The following SLC24A3 variants were observed in gnomAD, a reference collection of about 807,000 sequenced individuals.
The protein encoded by SLC24A3 is solute carrier family 24 member 3.
SLC24A3 carries 28 observed loss-of-function variants against 75.8 expected under a neutral mutation model. The ratio of observed to expected loss-of-function variants is 0.37; its 90% CI spans 0.27 to 0.51. The LOEUF is 0.51. SLC24A3 is among the 20% of genes least tolerant of loss of function. The pLI, the probability that SLC24A3 is intolerant of heterozygous loss-of-function variation, is 0.94. For synonymous variants in SLC24A3, 372 were observed against 334.1 expected (o/e 1.11, Z -1.24); for missense variants, 663 against 847.8 (o/e 0.78, Z 2.71).
intron 2 of SLC24A3, among the ~76,000 whole-genome samples, chr20:19,341,954 C>A (rs1361820383): frequency 1.3e-5 from 2 of 152,154 alleles, no homozygotes; most frequent in Admixed American, 6.5e-5. Flanking sequence ...TTTGTAGATA[C>A]AATACCTATT....
At position 19,322,851 on chromosome 20, in the gene SLC24A3, C is replaced by T. The variant is rs189423317; in HGVS notation, c.271+41764C>T. Reference sequence around the variant, plus strand: ...TTATCAGCTGGAGCTGGCAAAAAGACGGTAGACATAAAGACAGTGGGGCTG... The same window carrying T: ...TTATCAGCTGGAGCTGGCAAAAAGATGGTAGACATAAAGACAGTGGGGCTG... On this transcript the variant is annotated intron_variant, in intron 2 of 16. Coordinates refer to ENST00000328041, the MANE Select transcript of SLC24A3 (RefSeq NM_020689.4). Among the ~76,000 whole-genome samples the T allele has an allele frequency of 5.3e-5, 8 of 152,144 alleles. No homozygotes were observed. In the East Asian group the frequency reaches 9.7e-4, roughly 18 times the overall value.
chr20:19,257,547 G>A (rs1982852110), intron 1 of SLC24A3: 1 of 152,216 alleles, frequency 6.6e-6, no homozygotes, highest in Non-Finnish European at 1.5e-5. Context: ...CTCCAAGGAG[G>A]GCTCAGGATG....
At chr20:19,512,401 T>C (rs2029900165) in intron 2 of SLC24A3, among the ~76,000 whole-genome samples, 1 of 152,158 alleles carries the variant, frequency 6.6e-6, no homozygotes, top group Non-Finnish European at 1.5e-5. Flanking sequence ...TCCTGCTCCA[T>C]CCAGGGCTCA....
intron 15 of SLC24A3, among the ~76,000 whole-genome samples, chr20:19,708,565 A>T (rs963418717): frequency 1.3e-5 from 2 of 152,204 alleles, no homozygotes; most frequent in Admixed American, 6.5e-5. Context: ...AGAAGCTATC[A>T]TGTGCAGCTC....
At chr20:19,275,338 GC>G (rs1983452100) in intron 1 of SLC24A3, among the ~76,000 whole-genome samples, 1 of 152,178 alleles carries the variant, frequency 6.6e-6, no homozygotes, top group Non-Finnish European at 1.5e-5. Flanking sequence ...TAGGAAGGGT[GC>G]TTGGCACATA....
At chr20:19,478,192 T>C (rs1987993514) in intron 2 of SLC24A3, among the ~76,000 whole-genome samples, 1 of 152,208 alleles carries the variant, frequency 6.6e-6, no homozygotes, top group Non-Finnish European at 1.5e-5. Context: ...TCAGCCTTCC[T>C]GAAATTGATA....
chr20:19,401,836 C>CA (rs1448613136), intron 2 of SLC24A3, among the ~76,000 whole-genome samples: 6 of 152,356 alleles, frequency 3.9e-5, no homozygotes, highest in Non-Finnish European at 7.3e-5. Flanking sequence ...CTCAGGAGCA[C>CA]ATGCTTTACA....
At chr20:19,418,587 C>T (rs1472478399) in intron 2 of SLC24A3, among the ~76,000 whole-genome samples, 1 of 151,644 alleles carries the variant, frequency 6.6e-6, no homozygotes, top group African/African-American at 2.4e-5. Flanking sequence ...AAGAAAAATA[C>T]AAGAAAATAT....
At chr20:19,330,427 A>G (rs1228193398) in intron 2 of SLC24A3, among the ~76,000 whole-genome samples, 2 of 152,214 alleles carry the variant, frequency 1.3e-5, no homozygotes, top group African/African-American at 4.8e-5. Flanking sequence ...GATTTTATGA[A>G]TGTACTTAAA....
chr20:19,644,922 C>G (rs1256337390), intron 6 of SLC24A3, among the ~76,000 whole-genome samples: 1 of 152,152 alleles, frequency 6.6e-6, no homozygotes, highest in Non-Finnish European at 1.5e-5. Flanking sequence ...TCACTAAGCA[C>G]TTTTATCTAG....
rs150070855 is a variant in SLC24A3, at chr20:19,256,596, C to T, written c.143-24363C>T. On this transcript the variant is annotated intron_variant, in intron 1 of 16. Coordinates refer to ENST00000328041, the MANE Select transcript of SLC24A3 (RefSeq NM_020689.4). ...CCAGCCTGGGCAACATGGTGAAACCCCATCTTTACAAAAAATACAAAAATT... is the reference window on the plus strand; with the variant it reads ...CCAGCCTGGGCAACATGGTGAAACCTCATCTTTACAAAAAATACAAAAATT... Among the ~76,000 whole-genome samples, 637 of 151,686 alleles carry T rather than the reference C, an allele frequency of 4.2e-3. 10 individuals are homozygous for T. The highest frequency in any genetic ancestry group is 0.015 in the African/African-American group (602 of 41,360).
chr20:19,684,400 A>G, intron 11 of SLC24A3, 64 bp downstream of exon 11: 1 of 1,519,806 alleles, frequency 6.6e-7, no homozygotes, highest in Non-Finnish European at 8.9e-7. Context: ...GAAGGAGAGA[A>G]GGTTTCTTGT....
intron 6 of SLC24A3, among the ~76,000 whole-genome samples, chr20:19,618,526 C>G (rs2031766129): frequency 6.6e-6 from 1 of 152,186 alleles, no homozygotes; most frequent in Admixed American, 6.5e-5. Flanking sequence ...TTTAAAGGCC[C>G]TAGCTCCAAA....
chr20:19,607,459 G>C (rs1285558288), intron 6 of SLC24A3, among the ~76,000 whole-genome samples: 7 of 152,124 alleles, frequency 4.6e-5, no homozygotes, highest in African/African-American at 1.7e-4. Flanking sequence ...GATCTTTCCA[G>C]CCCGGGCCTT....
chr20:19,478,972 G>A (rs1169114700), intron 2 of SLC24A3, among the ~76,000 whole-genome samples: 2 of 152,228 alleles, frequency 1.3e-5, no homozygotes, highest in South Asian at 2.1e-4. Context: ...CATTGTTCTT[G>A]TTCTCACACG....
chr20:19,691,832 C>T (rs193206140), intron 12 of SLC24A3, among the ~76,000 whole-genome samples: 241 of 152,270 alleles, frequency 1.6e-3, no homozygotes, highest in Non-Finnish European at 3.0e-3. Flanking sequence ...TCTGTGAGCT[C>T]GGTGCTGCTG....
At chr20:19,300,787 T>C (rs1365011520) in intron 2 of SLC24A3, among the ~76,000 whole-genome samples, 1 of 152,096 alleles carries the variant, frequency 6.6e-6, no homozygotes, top group East Asian at 1.9e-4. Flanking sequence ...CTGCCAAGTT[T>C]TGTGACCTAG....
In SLC24A3 at chr20:19,621,412, T is replaced by A. The variant is rs1411289403; in HGVS notation, c.613-32650T>A. ...GATTTGTAGAAGGGTTGTTGGTTGG[T>A]TTGTTTAGTTGTTTTTAACTAAAGA... On this transcript the variant is annotated intron_variant, in intron 6 of 16. Coordinates refer to ENST00000328041, the MANE Select transcript of SLC24A3 (RefSeq NM_020689.4). Among the ~76,000 whole-genome samples the A allele has an allele frequency of 4.6e-5, 7 of 152,168 alleles. No individual in the cohort carries two copies. The East Asian group carries it at 1.3e-3, about 29-fold the overall frequency.
intron 2 of SLC24A3, among the ~76,000 whole-genome samples, chr20:19,506,396 C>T (rs1364815280): frequency 1.3e-5 from 2 of 152,104 alleles, no homozygotes; most frequent in Admixed American, 1.3e-4. Context: ...TGAATCTGAA[C>T]TTTGTTTCTG....
Sources: gnomAD v4.1 joint callset for allele counts (sites outside exome capture counted in the v4.1 genomes callset) on GRCh38, gnomAD v4.1.1 for gene constraint, MANE v1.5 for transcripts, NCBI Gene and HGNC (gene_info 2026-07-23, HGNC 2026-07-21) for gene names.